Variants in KCNJ3 observed in about 807,000 individuals in gnomAD.
The protein encoded by KCNJ3 is G protein-activated inward rectifier potassium channel 1.
KCNJ3 carries 4 observed loss-of-function variants against 39.2 expected under a neutral mutation model. The ratio of observed to expected loss-of-function variants is 0.10; its 90% CI spans 0.05 to 0.23. KCNJ3 has a LOEUF of 0.23. KCNJ3 is among the 10% of genes least tolerant of loss of function. The pLI is 1.00. For missense variants in KCNJ3, 276 were observed against 634.9 expected (o/e 0.43, Z 6.08); for synonymous variants, 230 against 237.4 (o/e 0.97, Z 0.29).
intron 1 of KCNJ3, among the ~76,000 whole-genome samples, chr2:154,703,136 C>A (rs1490852962): frequency 2.0e-5 from 2 of 101,280 alleles, no homozygotes; most frequent in Non-Finnish European, 4.4e-5. Flanking sequence ...AATTACTATT[C>A]TTTGATAACT....
chr2:154,768,828 G>A (rs970550178), intron 2 of KCNJ3, among the ~76,000 whole-genome samples: 5 of 152,194 alleles, frequency 3.3e-5, no homozygotes, highest in Non-Finnish European at 4.4e-5. Context: ...AGCATGGAAT[G>A]TTCTTCCATT....
At chr2:154,735,442 G>A (rs545653845) in intron 2 of KCNJ3, among the ~76,000 whole-genome samples, 1 of 152,136 alleles carries the variant, frequency 6.6e-6, no homozygotes, top group Admixed American at 6.5e-5. Context: ...CTATATTCCT[G>A]TTAATGTAAA....
At chr2:154,727,854 C>T (rs908310052) in intron 2 of KCNJ3, among the ~76,000 whole-genome samples, 1 of 150,792 alleles carries the variant, frequency 6.6e-6, no homozygotes, top group African/African-American at 2.4e-5. Context: ...CCTTTTCTGG[C>T]AAAAAATGTT....
intron 2 of KCNJ3, among the ~76,000 whole-genome samples, chr2:154,803,365 A>C (rs2105218036): frequency 6.6e-6 from 1 of 152,116 alleles, no homozygotes; most frequent in South Asian, 2.1e-4. Context: ...GAATTGGAAT[A>C]ATTTAAAAAT....
At chr2:154,836,459 G>A (rs1687465238) in intron 2 of KCNJ3, among the ~76,000 whole-genome samples, 1 of 151,748 alleles carries the variant, frequency 6.6e-6, no homozygotes, top group African/African-American at 2.4e-5. Context: ...TAAATTACAT[G>A]TAAGGAAATG....
intron 2 of KCNJ3, among the ~76,000 whole-genome samples, chr2:154,791,341 T>C (rs1221620901): frequency 6.6e-6 from 1 of 152,076 alleles, no homozygotes; most frequent in Non-Finnish European, 1.5e-5. Context: ...TAGAAACAAG[T>C]AAAGTTTGTT....
intron 2 of KCNJ3, among the ~76,000 whole-genome samples, chr2:154,818,805 A>C (rs1687121462): frequency 6.6e-6 from 1 of 151,936 alleles, no homozygotes; most frequent in Non-Finnish European, 1.5e-5. Flanking sequence ...GAAAAGCTTC[A>C]GTGTGGACAA....
chr2:154,791,301 G>A (rs1686627959), intron 2 of KCNJ3, among the ~76,000 whole-genome samples: 1 of 152,082 alleles, frequency 6.6e-6, no homozygotes, highest in Non-Finnish European at 1.5e-5. Context: ...GGGCGCCAAA[G>A]CTGATGTTGG....
intron 2 of KCNJ3, among the ~76,000 whole-genome samples, chr2:154,772,658 T>G (rs1015228509): frequency 2.0e-5 from 3 of 152,196 alleles, no homozygotes; most frequent in African/African-American, 4.8e-5. Flanking sequence ...AATGAATGAA[T>G]GTTTACAGTA....
At position 154,766,037 on chromosome 2, in the gene KCNJ3, A is replaced by G. The variant is rs773608688; in HGVS notation, c.919+56218A>G. On this transcript the variant is annotated intron_variant, in intron 2 of 2. Coordinates refer to ENST00000295101, the MANE Select transcript of KCNJ3 (RefSeq NM_002239.4). ...TTACTAAAGAATGAAATGAAATGCTATTTTTCTGTTTAAGTGTACTAGTTT... is the reference window on the plus strand; with the variant it reads ...TTACTAAAGAATGAAATGAAATGCTGTTTTTCTGTTTAAGTGTACTAGTTT... Among the ~76,000 whole-genome samples the G allele has an allele frequency of 2.4e-4, 36 of 152,274 alleles. No individual in the cohort carries two copies. In the Middle Eastern group the frequency reaches 0.01, roughly 43 times the overall value.
At chr2:154,839,317 C>A (rs567918469) in intron 2 of KCNJ3, among the ~76,000 whole-genome samples, 2 of 152,188 alleles carry the variant, frequency 1.3e-5, no homozygotes, top group Non-Finnish European at 2.9e-5. Flanking sequence ...GCCACATTTT[C>A]TTAATCCAGT....
chr2:154,851,610 T>C (rs532362540), intron 2 of KCNJ3, among the ~76,000 whole-genome samples: 21 of 152,346 alleles, frequency 1.4e-4, no homozygotes, highest in African/African-American at 4.8e-4. Context: ...CATAAACTTT[T>C]AAATTATATT....
At chr2:154,804,959 T>C (rs1302137664) in intron 2 of KCNJ3, among the ~76,000 whole-genome samples, 1 of 152,122 alleles carries the variant, frequency 6.6e-6, no homozygotes, top group Admixed American at 6.6e-5. Flanking sequence ...AACACCACAT[T>C]ACAAATGGAT....
intron 2 of KCNJ3, among the ~76,000 whole-genome samples, chr2:154,797,499 T>A (rs2105214480): frequency 1.3e-5 from 2 of 152,292 alleles, no homozygotes; most frequent in Admixed American, 1.3e-4. Flanking sequence ...TCTGATGATT[T>A]TAGCCATGGT....
chr2:154,771,833 A>G (rs932631491), intron 2 of KCNJ3, among the ~76,000 whole-genome samples: 1 of 152,210 alleles, frequency 6.6e-6, no homozygotes, highest in African/African-American at 2.4e-5. Context: ...TCTAACCTCA[A>G]GGGAGGAATT....
At chr2:154,758,010 A>G (rs1297846604) in intron 2 of KCNJ3, among the ~76,000 whole-genome samples, 2 of 152,128 alleles carry the variant, frequency 1.3e-5, no homozygotes, top group Non-Finnish European at 2.9e-5. Context: ...TTAAAAAATT[A>G]TATGCTTAGT....
intron 2 of KCNJ3, among the ~76,000 whole-genome samples, chr2:154,764,908 G>A (rs1301758356): frequency 6.6e-6 from 1 of 152,066 alleles, no homozygotes; most frequent in Admixed American, 6.6e-5. Context: ...TGCACATATT[G>A]TTTGCTCTAG....
At chr2:154,851,053 C>T (rs1357306467) in intron 2 of KCNJ3, among the ~76,000 whole-genome samples, 1 of 151,878 alleles carries the variant, frequency 6.6e-6, no homozygotes, top group African/African-American at 2.4e-5. Flanking sequence ...AATTTGAGAG[C>T]AGCCTTTTGT....
chr2:154,772,864 C>T (rs1440474253), intron 2 of KCNJ3, among the ~76,000 whole-genome samples: 1 of 151,920 alleles, frequency 6.6e-6, no homozygotes, highest in African/African-American at 2.4e-5. Context: ...TTCAATCATA[C>T]AAACTGTGCA....
Sources: gnomAD v4.1 joint callset for allele counts (sites outside exome capture counted in the v4.1 genomes callset) on GRCh38, gnomAD v4.1.1 for gene constraint, MANE v1.5 for transcripts, NCBI Gene and HGNC (gene_info 2026-07-23, HGNC 2026-07-21) for gene names.